RTP4: variants seen among roughly 807,000 people sequenced by gnomAD.
RTP4 encodes the protein receptor transporter protein 4.
RTP4 carries 5 observed loss-of-function variants against 6.5 expected under a neutral mutation model. That is an observed-to-expected ratio of 0.77 (90% CI 0.40 to 1.62). RTP4 has a LOEUF of 1.62. RTP4 is among the 40% of genes most tolerant of loss of function. The pLI, the probability that RTP4 is intolerant of heterozygous loss-of-function variation, is 0.02. For synonymous variants in RTP4, 112 were observed against 114.8 expected, an observed-to-expected ratio of 0.98 and a Z score of 0.15; for missense variants, 266 against 288.7, an observed-to-expected ratio of 0.92 and a Z score of 0.57.
At position 187,371,408 on chromosome 3, in the gene RTP4, T is replaced by A. The variant is rs911962808; in HGVS notation, c.*35T>A. 1.4e-6 allele frequency: 2 copies of A among 1,462,832 alleles called. No individual in the cohort carries two copies. Among genetic ancestry groups the A allele is most frequent in the African/African-American group, 2.8e-5 (2 of 71,566 alleles). The allele number at this position is 1,462,832 out of a possible 1,614,324, so 90.6% of individuals were successfully genotyped here. On this transcript the variant is annotated 3_prime_UTR_variant, in exon 2 of 2. Transcript: ENST00000259030. ...GCTTGCCACTTTCTCTTATTTTAAT[T>A]CCATGGTAGTCAATGAACTGGCTGC... is the stretch of plus-strand genomic sequence containing the variant.
chr3:187,370,786 A>G lies in RTP4; in HGVS notation c.156-2A>G. ...TAATGGGTGTCTTCCTTCTGACTGC[A>G]GGTTCCGGTGTTCCTCCTGCCAGCG... On this transcript the variant is annotated splice_acceptor_variant, in intron 1 of 1. Transcript: ENST00000259030. LOFTEE classifies it high-confidence loss of function. 1 of 1,609,944 alleles carries G rather than the reference A, an allele frequency of 6.2e-7. No homozygotes were observed. The highest frequency in any genetic ancestry group is 1.3e-5 in the African/African-American group (1 of 74,920).
chr3:187,371,549 T>C lies in RTP4; in HGVS notation c.*176T>C. The C allele has an allele frequency of 1.7e-6, 1 of 584,452 alleles. No individual in the cohort carries two copies. The highest frequency in any genetic ancestry group is 2.8e-5 in the East Asian group (1 of 35,816). The allele number at this position is 584,452 out of a possible 1,614,324, so 36.2% of individuals were successfully genotyped here. A position where few individuals can be genotyped will look rare whatever the true frequency, so the allele number is the denominator to read the frequency against. On this transcript the variant is annotated 3_prime_UTR_variant, in exon 2 of 2. Transcript: ENST00000259030. ...GTATGAAACATGACCAAGTACATAA[T>C]GGATTTAGTAATAAATATTGTCGAA... is the stretch of plus-strand genomic sequence containing the variant.
rs367905170 is a variant in RTP4 at position 187,370,971 on chromosome 3, G to T, written c.339G>T (p.Arg113Ser). Reference protein sequence around the residue: ...MPEFSSDSTMRILSNLVQHIL... With the variant: ...MPEFSSDSTMSILSNLVQHIL... ...AGTTCTCCTCGGATAGCACCATGAG[G>T]ATTCTGAGCAACCTGGTGCAGCATA... The change falls in exon 2 of 2, where the codon AGG (arginine) becomes AGT (serine). Residue 113 changes from arginine (R) to serine (S), a missense_variant. By Grantham distance (110) the Arg-to-Ser change is moderately radical. Coordinates refer to ENST00000259030, the MANE Select transcript of RTP4 (RefSeq NM_022147.3). 3.1e-6 allele frequency: 5 copies of T among 1,614,082 alleles called. No homozygotes were observed. In the African/African-American group the frequency reaches 5.3e-5, roughly 17 times the overall value.
chr3:187,368,517 A>G lies in RTP4; in HGVS notation c.76A>G (p.Thr26Ala). 6.2e-7 allele frequency: 1 copy of G among 1,614,154 alleles called. No homozygotes were observed. Among genetic ancestry groups the G allele is most frequent in the Non-Finnish European group, 8.5e-7 (1 of 1,180,014 alleles). The change falls in exon 1 of 2, where the codon ACG (threonine) becomes GCG (alanine). Residue 26 changes from threonine to alanine, a missense_variant. Transcript: ENST00000259030. ...IQEAKPRATW[T>A]LKLDGNLQLD... ...AGAGGCAAAACCCCGGGCCACATGGACGCTGAAGTTGGATGGCAACCTTCA... is the reference window on the plus strand; with the variant it reads ...AGAGGCAAAACCCCGGGCCACATGGGCGCTGAAGTTGGATGGCAACCTTCA...
In RTP4 at chr3:187,371,513, C is replaced by A; in HGVS notation, c.*140C>A. 1.6e-6 allele frequency: 1 copy of A among 625,712 alleles called. No individual in the cohort carries two copies. The highest frequency in any genetic ancestry group is 2.8e-6 in the Non-Finnish European group (1 of 361,580). The allele number at this position is 625,712 out of a possible 1,614,324, so 38.8% of individuals were successfully genotyped here. A position where few individuals can be genotyped will look rare whatever the true frequency, so the allele number is the denominator to read the frequency against. On this transcript the variant is annotated 3_prime_UTR_variant, in exon 2 of 2. Coordinates refer to ENST00000259030, the MANE Select transcript of RTP4 (RefSeq NM_022147.3). ...AATAAACACTGGTTTCCTAGCCATC[C>A]TCTGAAAACAGTATGAAACATGACC...
Position 187,368,420 on chromosome 3 carries a change from C to T in RTP4, c.-22C>T. The T allele has an allele frequency of 6.3e-7, 1 of 1,594,640 alleles. No individual in the cohort carries two copies. Among genetic ancestry groups the T allele is most frequent in the Non-Finnish European group, 8.5e-7 (1 of 1,170,774 alleles). On this transcript the variant is annotated 5_prime_UTR_variant, in exon 1 of 2. Coordinates refer to ENST00000259030, the MANE Select transcript of RTP4 (RefSeq NM_022147.3). ...GAAACGAGCAAACCTGAAAGCTACT[C>T]TCTCAGCTTCAGAGGGAAAAAATGG...
At chr3:187,369,202 C>T (rs1240905505) in intron 1 of RTP4, among the ~76,000 whole-genome samples, 1 of 152,132 alleles carries the variant, frequency 6.6e-6, no homozygotes, top group East Asian at 1.9e-4. Flanking sequence ...CAGCAAGCCT[C>T]CAGGTTGCAG....
In RTP4 at chr3:187,371,358, C is replaced by T. The variant is rs1711612459; in HGVS notation, c.726C>T (p.Cys242=). Residue 242 remains cysteine (C), a synonymous_variant, in exon 2 of 2, where the codon TGC becomes TGT. Coordinates refer to ENST00000259030, the MANE Select transcript of RTP4 (RefSeq NM_022147.3). ...ILLLVFIVVK[C]FTSE is the part of the protein sequence containing the mutation. ...TGCTTGTATTTATTGTAGTCAAATG[C>T]TTTACATCAGAATGATGAAAATAGG... 4 of 1,595,238 alleles carry T rather than the reference C, an allele frequency of 2.5e-6. No individual in the cohort carries two copies. The East Asian group carries it at 6.7e-5, about 27-fold the overall frequency.
chr3:187,371,317 T>A lies in RTP4; in HGVS notation c.685T>A (p.Cys229Ser). The A allele has an allele frequency of 6.2e-7, 1 of 1,602,918 alleles. No individual in the cohort carries two copies. The highest frequency in any genetic ancestry group is 1.7e-5 in the Admixed American group (1 of 60,014). Reference sequence around the variant, plus strand: ...TCGAGACCCAGATCCACTGAACATCTGTGTCTTTATTTTGCTGCTTGTATT... The same window carrying A: ...TCGAGACCCAGATCCACTGAACATCAGTGTCTTTATTTTGCTGCTTGTATT... The part of the protein sequence containing the change: ...PSRDPDPLNI[C>S]VFILLLVFIV... Residue 229 changes from cysteine to serine, a missense_variant, in exon 2 of 2, where the codon TGT becomes AGT. Transcript: ENST00000259030.
Position 187,369,023 on chromosome 3 carries a change from T to TTTA in RTP4, c.155+427_155+428insTTA, listed in dbSNP as rs1553796243. ...TGGGACGGAGCCTTTTTTTTTTTTT[T>TTTA]AAATATCTTAAGAATTGGCTAAGAT... On this transcript the variant is annotated intron_variant, in intron 1 of 1. Transcript: ENST00000259030. Among the ~76,000 whole-genome samples the TTTA allele has an allele frequency of 3.0e-4, 45 of 149,980 alleles. 1 individual carries two copies. Among genetic ancestry groups the TTTA allele is most frequent in the East Asian group, 1.8e-3 (9 of 5,132 alleles).
At chr3:187,370,330 T>TTAA (rs1456858513) in intron 1 of RTP4, among the ~76,000 whole-genome samples, 1 of 152,266 alleles carries the variant, frequency 6.6e-6, no homozygotes, top group Non-Finnish European at 1.5e-5. Flanking sequence ...CTGTGTGTCC[T>TTAA]TAAGCAGGTT....
In RTP4 at chr3:187,371,012, A is replaced by G; in HGVS notation, c.380A>G (p.Tyr127Cys). The change falls in exon 2 of 2, where the codon TAT (tyrosine) becomes TGT (cysteine). Residue 127 changes from tyrosine to cysteine, a missense_variant. Physicochemically the swap from Tyr to Cys is radical, Grantham distance 194. Coordinates refer to ENST00000259030, the MANE Select transcript of RTP4 (RefSeq NM_022147.3). ...NLVQHILKKYYGNGTRKSPEM... is the reference protein window; with the variant it reads ...NLVQHILKKYCGNGTRKSPEM... ...GTGCAGCATATACTGAAGAAATACT[A>G]TGGAAATGGCACGAGGAAGTCTCCA... The G allele has an allele frequency of 6.2e-7, 1 of 1,614,206 alleles. No homozygotes were observed. Among genetic ancestry groups the G allele is most frequent in the Non-Finnish European group, 8.5e-7 (1 of 1,180,036 alleles).
intron 1 of RTP4, among the ~76,000 whole-genome samples, chr3:187,369,769 C>T (rs1347471511): frequency 2.0e-5 from 3 of 152,092 alleles, no homozygotes; most frequent in Admixed American, 6.5e-5. Context: ...GTCTCCAGAA[C>T]AGTTCTCAAG....
At chr3:187,370,254 T>A (rs954930855) in intron 1 of RTP4, among the ~76,000 whole-genome samples, 1 of 152,210 alleles carries the variant, frequency 6.6e-6, no homozygotes, top group African/African-American at 2.4e-5. Flanking sequence ...AGGCAACGTG[T>A]TACAGCAGGT....
In RTP4 at chr3:187,371,692, C is replaced by T; in HGVS notation, c.*319C>T. ...CTCCCAACATATGCATGACTTAATC[C>T]CCAGAACCTGTAAACATGTTACTTT... On this transcript the variant is annotated 3_prime_UTR_variant, in exon 2 of 2. Transcript: ENST00000259030. 3.5e-6 allele frequency: 1 copy of T among 282,560 alleles called. No individual in the cohort carries two copies. Among genetic ancestry groups the T allele is most frequent in the South Asian group, 6.0e-5 (1 of 16,654 alleles). 17.5% of individuals were successfully genotyped at this position (282,560 alleles called of 1,614,324 possible).
At position 187,370,777 on chromosome 3, in the gene RTP4, T is replaced by C. The variant is rs1560063840; in HGVS notation, c.156-11T>C. 6.2e-7 allele frequency: 1 copy of C among 1,607,342 alleles called. No individual in the cohort carries two copies. The highest frequency in any genetic ancestry group is 1.7e-5 in the Admixed American group (1 of 59,748). On this transcript the variant is annotated splice_polypyrimidine_tract_variant and intron_variant, in intron 1 of 1. Coordinates refer to ENST00000259030, the MANE Select transcript of RTP4 (RefSeq NM_022147.3). ...ATGAAGGCATAATGGGTGTCTTCCT[T>C]CTGACTGCAGGTTCCGGTGTTCCTC...
Position 187,371,293 on chromosome 3 carries a change from C to G in RTP4, c.661C>G (p.Arg221Gly). ...GSGYEKLGPSRDPDPLNICVF... is the reference protein window; with the variant it reads ...GSGYEKLGPSGDPDPLNICVF... ...TGGGTATGAGAAATTAGGGCCCAGT[C>G]GAGACCCAGATCCACTGAACATCTG... The change falls in exon 2 of 2, where the codon CGA (arginine) becomes GGA (glycine). Residue 221 changes from arginine (R) to glycine (G), a missense_variant. By Grantham distance (125) the Arg-to-Gly change is moderately radical. Coordinates refer to ENST00000259030, the MANE Select transcript of RTP4 (RefSeq NM_022147.3). The G allele has an allele frequency of 6.2e-7, 1 of 1,606,724 alleles. No homozygotes were observed.
chr3:187,370,319 C>T (rs1050011479), intron 1 of RTP4, among the ~76,000 whole-genome samples: 1 of 152,178 alleles, frequency 6.6e-6, no homozygotes, highest in Non-Finnish European at 1.5e-5. Flanking sequence ...TAACATTTAC[C>T]CTGTGTGTCC....
At position 187,371,600 on chromosome 3, in the gene RTP4, T is replaced by C. The variant is rs1419109793; in HGVS notation, c.*227T>C. 1.7e-5 allele frequency: 9 copies of C among 520,778 alleles called. No individual in the cohort carries two copies. The highest frequency in any genetic ancestry group is 2.7e-5 in the Non-Finnish European group (8 of 292,368). 32.3% of individuals were successfully genotyped at this position (520,778 alleles called of 1,614,324 possible). ...TTGCTAAAAAGTCTTCAATCATTCA[T>C]TCACTAAGTCACTCAGTGATATCAA... is the stretch of plus-strand genomic sequence containing the variant. On this transcript the variant is annotated 3_prime_UTR_variant, in exon 2 of 2. Transcript: ENST00000259030.
Sources: allele counts gnomAD v4.1 joint callset (sites outside exome capture counted in the v4.1 genomes callset), GRCh38; gene constraint gnomAD v4.1.1; transcripts MANE v1.5; gene names NCBI Gene and HGNC (gene_info 2026-07-23, HGNC 2026-07-21).